The following SRCAP variants were observed in gnomAD, a reference collection of about 807,000 sequenced individuals.
SRCAP encodes chromatin remodeling protein SRCAP.
Under a neutral mutation model 263.1 loss-of-function variants are expected in SRCAP, and 46 were observed. That is an observed-to-expected ratio of 0.17 (90% confidence interval 0.14 to 0.22). The LOEUF (loss-of-function observed/expected upper bound fraction) is 0.22, where lower values mean the gene tolerates loss of function less well. Among genes scored for constraint, SRCAP ranks in the 10% least tolerant of loss-of-function variants. The pLI is 1.00. For synonymous variants in SRCAP, 1,813 were observed against 1,662.1 expected, an observed-to-expected ratio of 1.09 and a Z score of -2.21; for missense variants, 3,695 against 4,181.9, an observed-to-expected ratio of 0.88 and a Z score of 3.21.
In SRCAP at chr16:30,710,061, C is replaced by G; in HGVS notation, c.1067C>G (p.Ser356Cys). 1 of 1,614,104 alleles carries G rather than the reference C, an allele frequency of 6.2e-7. No individual in the cohort carries two copies. The highest frequency in any genetic ancestry group is 1.3e-5 in the African/African-American group (1 of 74,996). Residue 356 changes from serine (S) to cysteine (C), a missense_variant, in exon 8 of 34, where the codon TCT (serine) becomes TGT (cysteine). Ser to Cys is a moderately radical substitution (Grantham distance 112). Around this residue, in one of 12 missense-constraint regions of SRCAP, gnomAD observed 288 missense variants for 302.4 expected, o/e 0.95. Transcript: ENST00000262518. ...GPSSPSQTPSSHDSDTRDGPE... is the reference protein window; with the variant it reads ...GPSSPSQTPSCHDSDTRDGPE... ...TCCAGCCCCTCTCAAACCCCCTCAT[C>G]TCATGATAGTGACACCCGAGATGGG...
chr16:30,737,763 T>A lies in SRCAP; in HGVS notation c.7723T>A (p.Ser2575Thr), dbSNP rs368587038. ...GGCTTCTGTGGCCAGTTCAGAAACC[T>A]CCTCACTTTCTCTTGTGCCCCCTAA... ...ELASVASSETSSLSLVPPKDL... is the reference protein window; with the variant it reads ...ELASVASSETTSLSLVPPKDL... The change falls in exon 34 of 34, where the codon TCC (serine) becomes ACC (threonine). Residue 2575 changes from serine to threonine, a missense_variant. Physicochemically the swap from Ser to Thr is moderately conservative, Grantham distance 58. This residue lies in a region of SRCAP where 1,207 missense variants were observed against 1,142.9 expected (regional missense o/e 1.06). Transcript: ENST00000262518. The A allele has an allele frequency of 2.3e-4, 371 of 1,613,894 alleles. No homozygotes were observed. Among genetic ancestry groups the A allele is most frequent in the Non-Finnish European group, 2.9e-4 (341 of 1,179,898 alleles).
In SRCAP at chr16:30,707,565, C is replaced by T. The variant is rs1439362726; in HGVS notation, c.493-7C>T. 3 of 1,612,352 alleles carry T rather than the reference C, an allele frequency of 1.9e-6. No individual in the cohort carries two copies. The highest frequency in any genetic ancestry group is 2.5e-6 in the Non-Finnish European group (3 of 1,179,226). ...AGTGTTTTCACCCTGGGTCTTCATT[C>T]CCACAGGTGGTGCGCATGGTGATCC... On this transcript the variant is annotated splice_polypyrimidine_tract_variant and splice_region_variant and intron_variant, in intron 5 of 33. Coordinates refer to ENST00000262518, the MANE Select transcript of SRCAP (RefSeq NM_006662.3).
rs1171809875 is a variant in SRCAP at position 30,737,117 on chromosome 16, G to A, written c.7077G>A (p.Glu2359=). ...AGGAGGTGTTCCGCCTACCCCAAGAGGAGGAGGAGGGGCCGGGGGCTGGGG... is the reference window on the plus strand; with the variant it reads ...AGGAGGTGTTCCGCCTACCCCAAGAAGAGGAGGAGGGGCCGGGGGCTGGGG... ...AKEEVFRLPQ[E]EEEGPGAGDE... The change falls in exon 34 of 34, where the codon GAG becomes GAA. Residue 2359 remains glutamate (E), a synonymous_variant. Coordinates refer to ENST00000262518, the MANE Select transcript of SRCAP (RefSeq NM_006662.3). The A allele has an allele frequency of 6.2e-7, 1 of 1,612,460 alleles. No individual in the cohort carries two copies. The highest frequency in any genetic ancestry group is 1.3e-5 in the African/African-American group (1 of 74,880).
At chr16:30,712,506 A>G (rs2052902749) in intron 13 of SRCAP, 67 bp downstream of exon 13, 1 of 1,520,316 alleles carries the variant, frequency 6.6e-7, no homozygotes. Context: ...TTCAGTGATG[A>G]CTCCAGCTTC....
At chr16:30,735,356 C>T (rs887005932) in intron 31 of SRCAP, among the ~76,000 whole-genome samples, 14 of 151,128 alleles carry the variant, frequency 9.3e-5, no homozygotes, top group Non-Finnish European at 1.2e-4. Context: ...CCGTTTTAGC[C>T]GGGATGGTCT....
Position 30,716,305 on chromosome 16 carries a change from A to G in SRCAP, c.2643A>G (p.Thr881=), listed in dbSNP as rs1393793050. The G allele has an allele frequency of 1.9e-6, 3 of 1,614,164 alleles. No homozygotes were observed. The highest frequency in any genetic ancestry group is 2.2e-5 in the South Asian group (2 of 91,076). ...CCTCTTTCCCCAGAACTAAGGAGACACTAGCCACAGGCCATTTCATGAGCG... is the reference window on the plus strand; with the variant it reads ...CCTCTTTCCCCAGAACTAAGGAGACGCTAGCCACAGGCCATTTCATGAGCG... The part of the protein sequence containing the change: ...DFMAQTTTKE[T]LATGHFMSVI... The change falls in exon 18 of 34, where the codon ACA becomes ACG. Residue 881 remains threonine, a synonymous_variant. Coordinates refer to ENST00000262518, the MANE Select transcript of SRCAP (RefSeq NM_006662.3).
rs1020891866 is a variant in SRCAP, at chr16:30,717,042, C to T, written c.2817+563C>T. ...AAACCTCCACTGTTTTCCATAGTAGCTGCATGTTTTACATTTCCACCCTAG... is the reference window on the plus strand; with the variant it reads ...AAACCTCCACTGTTTTCCATAGTAGTTGCATGTTTTACATTTCCACCCTAG... On this transcript the variant is annotated intron_variant, in intron 18 of 33. Coordinates refer to ENST00000262518, the MANE Select transcript of SRCAP (RefSeq NM_006662.3). Among the ~76,000 whole-genome samples the T allele has an allele frequency of 2.0e-5, 3 of 152,304 alleles. No homozygotes were observed. In the East Asian group the frequency reaches 5.8e-4, roughly 29 times the overall value.
Position 30,707,359 on chromosome 16 carries a change from G to A in SRCAP, c.483G>A (p.Val161=), listed in dbSNP as rs762336103. Residue 161 remains valine (V), a synonymous_variant, in exon 5 of 34, where the codon GTG becomes GTA. Coordinates refer to ENST00000262518, the MANE Select transcript of SRCAP (RefSeq NM_006662.3). ...FAQERRWKRG[V]ARKVVRMVIR... ...AGGAGCGCCGTTGGAAACGGGGTGT[G>A]GCCCGGAAGGTAGGTCTTCCGCTGG... The A allele has an allele frequency of 3.1e-6, 5 of 1,613,932 alleles. No homozygotes were observed. In the East Asian group the frequency reaches 1.1e-4, roughly 36 times the overall value.
chr16:30,703,181 AT>A (rs570286516), intron 3 of SRCAP, among the ~76,000 whole-genome samples: 7 of 147,234 alleles, frequency 4.8e-5, no homozygotes, highest in East Asian at 3.9e-4. Context: ...ATGTATATAA[AT>A]TTTTTTTTTC....
intron 3 of SRCAP, among the ~76,000 whole-genome samples, chr16:30,702,567 T>TTCCC (rs1265038644): frequency 3.0e-3 from 78 of 25,794 alleles, no homozygotes; most frequent in African/African-American, 5.7e-3. Flanking sequence ...CCTCCCTCCC[T>TTCCC]TCCCTCCCTC....
In SRCAP at chr16:30,724,452, T is replaced by C. The variant is rs1294469072; in HGVS notation, c.5028T>C (p.Ala1676=). The change falls in exon 25 of 34, where the codon GCT becomes GCC. Residue 1676 remains alanine, a synonymous_variant. Transcript: ENST00000262518. ...APVPSPLPSP[A]STQTLALAPA... ...TTCCGTCACCTCTCCCGAGCCCGGC[T>C]TCTACGCAGACACTGGCCCTAGCCC... 1 of 1,614,204 alleles carries C rather than the reference T, an allele frequency of 6.2e-7. No homozygotes were observed. The highest frequency in any genetic ancestry group is 8.5e-7 in the Non-Finnish European group (1 of 1,180,034).
chr16:30,719,776 A>G (rs1210540129), intron 18 of SRCAP, among the ~76,000 whole-genome samples: 1 of 152,128 alleles, frequency 6.6e-6, no homozygotes, highest in African/African-American at 2.4e-5. Flanking sequence ...GGCCTCCCAG[A>G]GAGCTGGGAT....
rs772907810 is a variant in SRCAP, at chr16:30,723,841, T to C, written c.4417T>C (p.Leu1473=). ...LTVSASGPAL[L]TSVTPPLAPV... is the part of the protein sequence containing the mutation. ...TGTTTCTGCTTCGGGCCCAGCTCTGTTGACCAGTGTGACTCCACCATTGGC... is the reference window on the plus strand; with the variant it reads ...TGTTTCTGCTTCGGGCCCAGCTCTGCTGACCAGTGTGACTCCACCATTGGC... Residue 1473 remains leucine, a synonymous_variant, in exon 25 of 34, where the codon TTG becomes CTG. Transcript: ENST00000262518. 50 of 1,613,992 alleles carry C rather than the reference T, an allele frequency of 3.1e-5. No individual in the cohort carries two copies. The highest frequency in any genetic ancestry group is 4.0e-5 in the Non-Finnish European group (47 of 1,180,028).
At position 30,733,133 on chromosome 16, in the gene SRCAP, G is replaced by A; in HGVS notation, c.6128-147G>A. 1.1e-6 allele frequency: 1 copy of A among 870,814 alleles called. No homozygotes were observed. The highest frequency in any genetic ancestry group is 1.7e-5 in the South Asian group (1 of 59,222). The allele number at this position is 870,814 out of a possible 1,614,324, so 53.9% of individuals were successfully genotyped here. A position where few individuals can be genotyped will look rare whatever the true frequency, so the allele number is the denominator to read the frequency against. On this transcript the variant is annotated intron_variant, in intron 27 of 33. Transcript: ENST00000262518. The surrounding 1 kb of genome is among the most constrained non-coding windows in gnomAD (Gnocchi z 5.3). ...CTACAGGTGTGAGCCACCATGCCCT[G>A]CCGTAGTTAAACATTTTTGATCTGC...
In SRCAP at chr16:30,721,440, C is replaced by T. The variant is rs1487463104; in HGVS notation, c.3505C>T (p.Leu1169Phe). ...VPAPTPAPQR[L>F]ILSPDMQARL... ...AGCTCCGACTCCTGCACCACAGCGC[C>T]TCATTCTATCTCCCGATATGCAGGC... Residue 1169 changes from leucine (L) to phenylalanine (F), a missense_variant, in exon 21 of 34, where the codon CTC becomes TTC. Leu to Phe is a conservative substitution (Grantham distance 22). Coordinates refer to ENST00000262518, the MANE Select transcript of SRCAP (RefSeq NM_006662.3). 1.9e-6 allele frequency: 3 copies of T among 1,612,288 alleles called. No individual in the cohort carries two copies. The South Asian group carries it at 3.3e-5, about 18-fold the overall frequency.
In SRCAP at chr16:30,724,152, ATCT is replaced by A. The variant is rs2151294248; in HGVS notation, c.4732_4734del (p.Ser1578del). 1 of 1,613,998 alleles carries A rather than the reference ATCT, an allele frequency of 6.2e-7. No individual in the cohort carries two copies. Among genetic ancestry groups the A allele is most frequent in the Admixed American group, 1.7e-5 (1 of 60,018 alleles). On this transcript the variant is annotated inframe_deletion, in exon 25 of 34. Coordinates refer to ENST00000262518, the MANE Select transcript of SRCAP (RefSeq NM_006662.3). ...CTCAGGCTTCCCTTCTGGCTCCAGC[ATCT>A]TCTGCATCTCAGGCTCTAGCCACCC...
intron 4 of SRCAP, among the ~76,000 whole-genome samples, chr16:30,706,480 A>T (rs1229764356): frequency 6.6e-6 from 1 of 152,152 alleles, no homozygotes; most frequent in African/African-American, 2.4e-5. Context: ...AGTTGTCCTG[A>T]ATTTTTTGAG....
chr16:30,722,091 T>G, intron 21 of SRCAP, 31 bp from the exon 22 acceptor site: 1 of 1,601,870 alleles, frequency 6.2e-7, no homozygotes, highest in Non-Finnish European at 8.5e-7. Flanking sequence ...AGGATGAGCC[T>G]TGTGTACAAT....
Position 30,711,625 on chromosome 16 carries a change from G to T in SRCAP, c.1373G>T (p.Gly458Val), listed in dbSNP as rs1297004820. 1.1e-5 allele frequency: 18 copies of T among 1,613,746 alleles called. No homozygotes were observed. The East Asian group carries it at 4.0e-4, about 36-fold the overall frequency. ...LQQYAGAYAPGSGSSEDEDED... is the reference protein window; with the variant it reads ...LQQYAGAYAPVSGSSEDEDED... ...CAGTATGCAGGAGCCTATGCCCCAG[G>T]CTCTGGGAGCAGTGAAGATGAGGAT... Residue 458 changes from glycine to valine, a missense_variant, in exon 11 of 34, where the codon GGC becomes GTC. By Grantham distance (109) the Gly-to-Val change is moderately radical (BLOSUM62 -3). Coordinates refer to ENST00000262518, the MANE Select transcript of SRCAP (RefSeq NM_006662.3).
Sources: gnomAD v4.1 joint callset for allele counts (sites outside exome capture counted in the v4.1 genomes callset) on GRCh38, gnomAD v4.1.1 for gene constraint, gnomAD v4.1.1 regional missense constraint, Gnocchi (gnomAD v3.1) non-coding constraint, MANE v1.5 for transcripts, NCBI Gene and HGNC (gene_info 2026-07-23, HGNC 2026-07-21) for gene names.